Variants in SLC38A1 observed in about 807,000 individuals in gnomAD.
SLC38A1 encodes the protein sodium-coupled neutral amino acid symporter 1.
In SLC38A1, 18 loss-of-function variants were observed where a neutral mutation model predicts 60.3. The observed-to-expected ratio is 0.30, with a 90% CI of 0.21 to 0.44. SLC38A1 has a LOEUF of 0.44. Among genes scored for constraint, SLC38A1 ranks in the 20% least tolerant of loss-of-function variants. The pLI, the probability that SLC38A1 is intolerant of heterozygous loss-of-function variation, is 1.00. For synonymous variants in SLC38A1, 196 were observed against 212.1 expected (o/e 0.92, Z 0.66); for missense variants, 448 against 587.2 (o/e 0.76, Z 2.45).
intron 1 of SLC38A1, among the ~76,000 whole-genome samples, chr12:46,248,330 G>T (rs1477462791): frequency 6.6e-6 from 1 of 152,148 alleles, no homozygotes; most frequent in African/African-American, 2.4e-5. Flanking sequence ...AAAATATAGG[G>T]ATGGAGGAAG....
rs759755514 is a variant in SLC38A1, at chr12:46,204,409, G to A, written c.714C>T (p.Tyr238=). Residue 238 remains tyrosine, a synonymous_variant, in exon 11 of 17, where the codon TAC becomes TAT. Transcript: ENST00000398637. ...CMVFFLIVVI[Y]KKFQIPCIVP... ...CAATGCAGGGAATTTGAAATTTCTT[G>A]TAAATAACCTGGTATTAAGAAGTAT... 7.5e-6 allele frequency: 12 copies of A among 1,609,892 alleles called. No individual in the cohort carries two copies. In the East Asian group the frequency reaches 2.0e-4, roughly 27 times the overall value.
At chr12:46,233,818 G>A (rs1941161563) in intron 3 of SLC38A1, among the ~76,000 whole-genome samples, 1 of 152,112 alleles carries the variant, frequency 6.6e-6, no homozygotes, top group Non-Finnish European at 1.5e-5. Context: ...GACTTAATAG[G>A]TTTTCCCAAA....
At chr12:46,201,296 G>A in intron 12 of SLC38A1, 98 bp from the exon 13 acceptor site, 1 of 995,316 alleles carries the variant, frequency 1.0e-6, no homozygotes. Flanking sequence ...GCTTCTGTCA[G>A]GTTAGGGAAG....
chr12:46,234,648 C>T (rs929908024), intron 3 of SLC38A1, among the ~76,000 whole-genome samples: 1 of 152,016 alleles, frequency 6.6e-6, no homozygotes, highest in Non-Finnish European at 1.5e-5. Context: ...GGGGTTTCAC[C>T]GTGTTAGCCA....
At chr12:46,259,281 C>T (rs926181324) in intron 1 of SLC38A1, among the ~76,000 whole-genome samples, 2 of 152,138 alleles carry the variant, frequency 1.3e-5, no homozygotes, top group African/African-American at 4.8e-5. Flanking sequence ...CTTGGATCCT[C>T]AGGGTTCATA....
chr12:46,212,994 T>C (rs544772662), intron 5 of SLC38A1, among the ~76,000 whole-genome samples: 8 of 152,316 alleles, frequency 5.3e-5, no homozygotes, highest in African/African-American at 9.6e-5. Flanking sequence ...CATTTTAAGA[T>C]TGTGCTCTTT....
chr12:46,185,052 A>T lies in SLC38A1; in HGVS notation c.*3918T>A, dbSNP rs1416140702. ...CTAAAGCCTGGCTCCTGTATGTTGCACCATGAGTCCTAGGAATCATCTGGT... is the reference window on the plus strand; with the variant it reads ...CTAAAGCCTGGCTCCTGTATGTTGCTCCATGAGTCCTAGGAATCATCTGGT... On this transcript the variant is annotated 3_prime_UTR_variant, in exon 17 of 17. Transcript: ENST00000398637. 6.6e-6 allele frequency: 1 copy of T among 152,072 alleles called. No individual in the cohort carries two copies. Among genetic ancestry groups the T allele is most frequent in the African/African-American group, 2.4e-5 (1 of 41,376 alleles). 9.4% of individuals were successfully genotyped at this position (152,072 alleles called of 1,614,324 possible).
chr12:46,255,210 G>T (rs895716512), intron 1 of SLC38A1, among the ~76,000 whole-genome samples: 8 of 152,110 alleles, frequency 5.3e-5, no homozygotes, highest in African/African-American at 1.9e-4. Flanking sequence ...GATTGTCTGT[G>T]GATAACAAAA....
intron 5 of SLC38A1, among the ~76,000 whole-genome samples, chr12:46,217,286 C>T (rs1159288570): frequency 6.6e-6 from 1 of 152,138 alleles, no homozygotes; most frequent in Non-Finnish European, 1.5e-5. Flanking sequence ...AAAGTCCCTA[C>T]CCATCACGTT....
intron 2 of SLC38A1, among the ~76,000 whole-genome samples, 172 bp from the exon 3 acceptor site, chr12:46,240,065 T>G (rs1235125675): frequency 6.6e-6 from 1 of 152,166 alleles, no homozygotes; most frequent in East Asian, 1.9e-4. Flanking sequence ...TATCTAAATT[T>G]TATGCCTTTT....
rs144790852 is a variant in SLC38A1, at chr12:46,185,363, A to G, written c.*3607T>C. On this transcript the variant is annotated 3_prime_UTR_variant, in exon 17 of 17. Coordinates refer to ENST00000398637, the MANE Select transcript of SLC38A1 (RefSeq NM_030674.4). ...TAGGTGCTCGCCGAAGCACTGAGGA[A>G]TCTTACCACAACCCTGTGTCCACCA... The G allele has an allele frequency of 2.4e-3, 369 of 152,096 alleles. 2 individuals are homozygous for G. The highest frequency in any genetic ancestry group is 8.5e-3 in the African/African-American group (353 of 41,500). 9.4% of individuals were successfully genotyped at this position (152,096 alleles called of 1,614,324 possible). A position where few individuals can be genotyped will look rare whatever the true frequency, so the allele number is the denominator to read the frequency against.
intron 1 of SLC38A1, among the ~76,000 whole-genome samples, chr12:46,256,613 G>GCA (rs566800141): frequency 0.038 from 4,122 of 107,330 alleles, 96 homozygotes; most frequent in South Asian, 0.079. Context: ...GCGCGCGCGC[G>GCA]CACACACACA....
Position 46,268,732 on chromosome 12 carries a change from G to A in SLC38A1, c.-415C>T. 1 of 307,144 alleles carries A rather than the reference G, an allele frequency of 3.3e-6. No homozygotes were observed. Among genetic ancestry groups the A allele is most frequent in the Non-Finnish European group, 7.1e-6 (1 of 141,134 alleles). 19.0% of individuals were successfully genotyped at this position (307,144 alleles called of 1,614,324 possible). A position where few individuals can be genotyped will look rare whatever the true frequency, so the allele number is the denominator to read the frequency against. On this transcript the variant is annotated 5_prime_UTR_variant, in exon 1 of 17. Coordinates refer to ENST00000398637, the MANE Select transcript of SLC38A1 (RefSeq NM_030674.4). The surrounding 1 kb of genome is among the most constrained non-coding windows in gnomAD (Gnocchi z 4.4). The stretch of plus-strand genomic sequence containing the variant: ...AAGGTGAAGGGCGGAGGCTCCTGGC[G>A]ACCTTCTGGCGGAGTGGCGTGGCCG...
At chr12:46,235,438 G>A (rs1941226155) in intron 3 of SLC38A1, among the ~76,000 whole-genome samples, 1 of 152,088 alleles carries the variant, frequency 6.6e-6, no homozygotes, top group African/African-American at 2.4e-5. Flanking sequence ...CAAAGATATT[G>A]GAAAACATGA....
At chr12:46,222,961 AAG>A (rs575900329) in intron 5 of SLC38A1, among the ~76,000 whole-genome samples, 17 of 152,224 alleles carry the variant, frequency 1.1e-4, no homozygotes, top group Non-Finnish European at 2.5e-4. Context: ...GAACACTAGC[AAG>A]ATAATTCAGG....
intron 1 of SLC38A1, among the ~76,000 whole-genome samples, chr12:46,260,535 G>A (rs978755260): frequency 2.0e-5 from 3 of 152,178 alleles, no homozygotes. Context: ...TTCCTTCTCA[G>A]AAACATTTCC....
At chr12:46,264,956 CATCAAGAT>C (rs557991025) in intron 1 of SLC38A1, among the ~76,000 whole-genome samples, 94 of 152,272 alleles carry the variant, frequency 6.2e-4, no homozygotes, top group Middle Eastern at 3.4e-3. Context: ...AGGTAGTTTC[CATCAAGAT>C]ATATTTTCAG....
intron 16 of SLC38A1, chr12:46,196,258 A>G (rs1366508194): frequency 1.3e-6 from 2 of 1,536,018 alleles, no homozygotes; most frequent in Non-Finnish European, 1.7e-6. Context: ...TGGACTGGAA[A>G]CTGGAGGAAG....
At chr12:46,263,032 G>C (rs1942245639) in intron 1 of SLC38A1, among the ~76,000 whole-genome samples, 1 of 152,156 alleles carries the variant, frequency 6.6e-6, no homozygotes, top group Admixed American at 6.5e-5. Flanking sequence ...CAAATCTCTT[G>C]AATAGTTGCC....
Sources: gnomAD v4.1 joint callset for allele counts (sites outside exome capture counted in the v4.1 genomes callset) on GRCh38, gnomAD v4.1.1 for gene constraint, Gnocchi (gnomAD v3.1) non-coding constraint, MANE v1.5 for transcripts, NCBI Gene and HGNC (gene_info 2026-07-23, HGNC 2026-07-21) for gene names.